ELP4: variants seen among roughly 807,000 people sequenced by gnomAD.
ELP4 encodes elongator acetyltransferase complex subunit 4.
Under a neutral mutation model 48.9 loss-of-function variants are expected in ELP4, and 51 were observed. That is an observed-to-expected ratio of 1.04 (90% confidence interval 0.83 to 1.32). The LOEUF is 1.32. Ranked by LOEUF, ELP4 falls within the 40% of genes most tolerant of loss-of-function variation. The probability of loss-of-function intolerance (pLI) is 0.00; values close to 1 mark genes in which losing one functional copy is unlikely to be tolerated. For synonymous variants in ELP4, 210 were observed against 189.2 expected (o/e 1.11, Z -0.90); for missense variants, 519 against 514.6 (o/e 1.01, Z -0.08).
At chr11:31,621,060 T>C (rs1017720064) in intron 5 of ELP4, among the ~76,000 whole-genome samples, 1 of 151,946 alleles carries the variant, frequency 6.6e-6, no homozygotes, top group Non-Finnish European at 1.5e-5. Context: ...ACGGTCTCTA[T>C]AGTCACATGC....
chr11:31,585,920 A>C (rs770204496), intron 3 of ELP4, among the ~76,000 whole-genome samples: 31 of 152,130 alleles, frequency 2.0e-4, no homozygotes, highest in Non-Finnish European at 3.7e-4. Flanking sequence ...CCCTGTCTCT[A>C]CAAAAAATTT....
intron 3 of ELP4, among the ~76,000 whole-genome samples, chr11:31,562,362 A>T (rs1957036853): frequency 6.6e-6 from 1 of 152,052 alleles, no homozygotes; most frequent in Non-Finnish European, 1.5e-5. Flanking sequence ...TATCCTCCTC[A>T]TTTGCTCTAT....
chr11:31,757,138 C>T (rs917633828), intron 9 of ELP4, among the ~76,000 whole-genome samples: 1 of 152,198 alleles, frequency 6.6e-6, no homozygotes, highest in Non-Finnish European at 1.5e-5. Context: ...ATGCCTTCTA[C>T]TTACTTCATT....
chr11:31,686,999 C>T (rs1199679964), intron 9 of ELP4, among the ~76,000 whole-genome samples: 1 of 152,094 alleles, frequency 6.6e-6, no homozygotes, highest in African/African-American at 2.4e-5. Context: ...TCATCATCAC[C>T]ATCACCATCA....
At chr11:31,678,493 G>GTA (rs1225514276) in intron 9 of ELP4, among the ~76,000 whole-genome samples, 10 of 34,874 alleles carry the variant, frequency 2.9e-4, no homozygotes, top group African/African-American at 5.0e-4. Context: ...ATACATATAT[G>GTA]TATGTGTGTG....
chr11:31,549,211 G>T (rs1199843713), intron 3 of ELP4, among the ~76,000 whole-genome samples: 1 of 151,110 alleles, frequency 6.6e-6, no homozygotes, highest in Non-Finnish European at 1.5e-5. Flanking sequence ...CCCACAAAAT[G>T]GGAGAAAATT....
chr11:31,510,748 C>G lies in ELP4; in HGVS notation c.223+741C>G, dbSNP rs191960764. On this transcript the variant is annotated intron_variant, in intron 1 of 9. Coordinates refer to ENST00000640961, the MANE Select transcript of ELP4 (RefSeq NM_019040.5). The stretch of plus-strand genomic sequence containing the variant: ...GTTCTTAGGCTTTCCTTTAAAATCT[C>G]TGGAATTTTTTATGAGAAGCCTGCT... 184 of 186,072 alleles carry G rather than the reference C, an allele frequency of 9.9e-4. 1 individual carries two copies. Among genetic ancestry groups the G allele is most frequent in the African/African-American group, 3.7e-3 (160 of 42,932 alleles). 11.5% of individuals were successfully genotyped at this position (186,072 alleles called of 1,614,324 possible). A position where few individuals can be genotyped will look rare whatever the true frequency, so the allele number is the denominator to read the frequency against.
At chr11:31,559,062 C>T (rs888764450) in intron 3 of ELP4, among the ~76,000 whole-genome samples, 2 of 151,870 alleles carry the variant, frequency 1.3e-5, no homozygotes, top group African/African-American at 4.8e-5. Context: ...ACATATTATC[C>T]CACTAAATGC....
rs553690261 is a variant in ELP4 at position 31,789,572 on chromosome 11, CT to C, written c.*6053del. 37 of 598,798 alleles carry C rather than the reference CT, an allele frequency of 6.2e-5. No homozygotes were observed. Among genetic ancestry groups the C allele is most frequent in the South Asian group, 1.7e-4 (8 of 47,536 alleles). The allele number at this position is 598,798 out of a possible 1,614,324, so 37.1% of individuals were successfully genotyped here. A position where few individuals can be genotyped will look rare whatever the true frequency, so the allele number is the denominator to read the frequency against. On this transcript the variant is annotated 3_prime_UTR_variant, in exon 10 of 10. Coordinates refer to ENST00000640961, the MANE Select transcript of ELP4 (RefSeq NM_019040.5). ...GGCAAAGCTTGTTGATCATGGTTTTCTTTTTAAAAAAAAAAAAAACAACTTC... is the reference window on the plus strand; with the variant it reads ...GGCAAAGCTTGTTGATCATGGTTTTCTTTTAAAAAAAAAAAAAACAACTTC...
intron 9 of ELP4, among the ~76,000 whole-genome samples, chr11:31,721,756 GAAAAA>G (rs908647975): frequency 6.6e-6 from 1 of 151,940 alleles, no homozygotes; most frequent in Non-Finnish European, 1.5e-5. Flanking sequence ...ATATTGAACT[GAAAAA>G]AACAAAACGT....
At chr11:31,521,950 T>C (rs1956220472) in intron 2 of ELP4, among the ~76,000 whole-genome samples, 1 of 152,174 alleles carries the variant, frequency 6.6e-6, no homozygotes, top group Non-Finnish European at 1.5e-5. Flanking sequence ...TGCCAACTTC[T>C]TACCAGTCAT....
chr11:31,675,763 T>C (rs930350473), intron 9 of ELP4, among the ~76,000 whole-genome samples: 1 of 152,068 alleles, frequency 6.6e-6, no homozygotes, highest in Non-Finnish European at 1.5e-5. Flanking sequence ...TATAGGAAGA[T>C]TTTTTTCCCT....
Position 31,786,611 on chromosome 11 carries a change from T to C in ELP4, c.*3087T>C. ...AAGCAAAAGAATATAGACACAATCC[T>C]AAGATGACATTCACAGAACAAAGCT... On this transcript the variant is annotated 3_prime_UTR_variant, in exon 10 of 10. Coordinates refer to ENST00000640961, the MANE Select transcript of ELP4 (RefSeq NM_019040.5). The C allele has an allele frequency of 8.9e-6, 2 of 225,630 alleles. No individual in the cohort carries two copies. The highest frequency in any genetic ancestry group is 1.3e-4 in the East Asian group (2 of 15,530). The allele number at this position is 225,630 out of a possible 1,614,324, so 14.0% of individuals were successfully genotyped here.
rs548187724 is a variant in ELP4, at chr11:31,771,836, G to A, written c.1144-11557G>A. Among the ~76,000 whole-genome samples the A allele has an allele frequency of 1.5e-4, 23 of 152,202 alleles. No homozygotes were observed. In the East Asian group the frequency reaches 1.7e-3, roughly 12 times the overall value. On this transcript the variant is annotated intron_variant, in intron 9 of 9. Coordinates refer to ENST00000640961, the MANE Select transcript of ELP4 (RefSeq NM_019040.5). ...CTACTAAAGATACAAAAATTTAGCC[G>A]GGCGTGGTGGCGGCAGGCACCTGTA...
At chr11:31,652,539 A>G (rs1945342311) in intron 9 of ELP4, 1 of 151,708 alleles carries the variant, frequency 6.6e-6, no homozygotes, top group African/African-American at 2.4e-5. Context: ...TGGGGGTAAA[A>G]TCATCGAGCA....
chr11:31,514,877 C>CCTT (rs1956078256), intron 1 of ELP4, among the ~76,000 whole-genome samples: 1 of 151,766 alleles, frequency 6.6e-6, no homozygotes, highest in Non-Finnish European at 1.5e-5. Flanking sequence ...TACAGCTAGA[C>CCTT]CTTCCATTTA....
intron 3 of ELP4, among the ~76,000 whole-genome samples, chr11:31,546,937 C>T (rs373811985): frequency 5.9e-4 from 87 of 147,754 alleles, no homozygotes; most frequent in African/African-American, 1.4e-3. Flanking sequence ...TTGAAACCAA[C>T]GAGAACAAAG....
intron 9 of ELP4, among the ~76,000 whole-genome samples, chr11:31,766,910 C>T (rs573143091): frequency 4.3e-4 from 66 of 152,084 alleles, no homozygotes; most frequent in South Asian, 3.1e-3. Flanking sequence ...AAAAATGCCA[C>T]TACTTGATAT....
At chr11:31,678,154 T>A (rs900312188) in intron 9 of ELP4, among the ~76,000 whole-genome samples, 1 of 152,134 alleles carries the variant, frequency 6.6e-6, no homozygotes, top group Non-Finnish European at 1.5e-5. Context: ...CCCTTAGCAA[T>A]ATGCATTTAA....
Sources: allele counts gnomAD v4.1 joint callset (sites outside exome capture counted in the v4.1 genomes callset), GRCh38; gene constraint gnomAD v4.1.1; transcripts MANE v1.5; gene names NCBI Gene and HGNC (gene_info 2026-07-23, HGNC 2026-07-21).